ZFYVE9: variants seen among roughly 807,000 people sequenced by gnomAD.
The protein encoded by ZFYVE9 is zinc finger FYVE-type containing 9.
In ZFYVE9, 43 loss-of-function variants were observed where a neutral mutation model predicts 126.7. That is an observed-to-expected ratio of 0.34 (90% CI 0.27 to 0.44). The LOEUF is 0.44. ZFYVE9 is among the 20% of genes least tolerant of loss of function. ZFYVE9 has a pLI of 1.00. For missense variants in ZFYVE9, 1,476 were observed against 1,697.0 expected (o/e 0.87, Z 2.29); for synonymous variants, 521 against 597.4 (o/e 0.87, Z 1.87).
At chr1:52,155,077 T>C (rs144972899) in intron 1 of ZFYVE9, among the ~76,000 whole-genome samples, 210 of 152,318 alleles carry the variant, frequency 1.4e-3, no homozygotes, top group African/African-American at 4.7e-3. Flanking sequence ...TCCTATCTTA[T>C]AATGGATTGC....
At chr1:52,170,162 CATT>C in intron 1 of ZFYVE9, among the ~76,000 whole-genome samples, 1 of 152,260 alleles carries the variant, frequency 6.6e-6, no homozygotes, top group Middle Eastern at 3.4e-3. Flanking sequence ...GTTTCTATAA[CATT>C]AATTTATGAA....
intron 7 of ZFYVE9, among the ~76,000 whole-genome samples, chr1:52,273,193 G>C (rs1484228112): frequency 6.6e-6 from 1 of 151,722 alleles, no homozygotes; most frequent in Non-Finnish European, 1.5e-5. Context: ...TATTAGTAGA[G>C]ATGGGATTTC....
rs187000595 is a variant in ZFYVE9 at position 52,182,766 on chromosome 1, A to T, written c.-142-33603A>T. Among the ~76,000 whole-genome samples, 314 of 101,856 alleles carry T rather than the reference A, an allele frequency of 3.1e-3. 7 individuals are homozygous for T. In the East Asian group the frequency reaches 0.074, roughly 24 times the overall value. 66.8% of individuals were successfully genotyped at this position (101,856 alleles called of 152,430 possible). On this transcript the variant is annotated intron_variant, in intron 1 of 18. Coordinates refer to ENST00000287727, the MANE Select transcript of ZFYVE9 (RefSeq NM_004799.4). Reference sequence around the variant, plus strand: ...ATCAATAAAAAATAAAATAAAAAATAAAAAAAAATAAATATTTTGGAACTC... The same window carrying T: ...ATCAATAAAAAATAAAATAAAAAATTAAAAAAAATAAATATTTTGGAACTC...
At chr1:52,182,435 G>A (rs921544214) in intron 1 of ZFYVE9, among the ~76,000 whole-genome samples, 1 of 152,100 alleles carries the variant, frequency 6.6e-6, no homozygotes, top group Non-Finnish European at 1.5e-5. Flanking sequence ...GGATCCTGTT[G>A]ATCTATGACC....
intron 1 of ZFYVE9, among the ~76,000 whole-genome samples, chr1:52,177,808 A>G (rs1401513684): frequency 6.6e-6 from 1 of 152,224 alleles, no homozygotes; most frequent in African/African-American, 2.4e-5. Flanking sequence ...AACATATGCT[A>G]TCTAATTGGG....
chr1:52,291,885 CAAAAAAAAAAAA>C (rs1171027696), intron 10 of ZFYVE9, among the ~76,000 whole-genome samples: 6 of 58,744 alleles, frequency 1.0e-4, no homozygotes, highest in East Asian at 4.5e-4. Flanking sequence ...GACTCTGTCT[CAAAAAAAAAAAA>C]AAAAAAAAAG....
chr1:52,254,745 T>C (rs1315566383), intron 4 of ZFYVE9, among the ~76,000 whole-genome samples: 1 of 152,052 alleles, frequency 6.6e-6, no homozygotes, highest in African/African-American at 2.4e-5. Flanking sequence ...GGTGAGAGGA[T>C]CACTTGAGCT....
chr1:52,303,909 G>A lies in ZFYVE9; in HGVS notation c.3422G>A (p.Ser1141Asn). 6.2e-7 allele frequency: 1 copy of A among 1,601,074 alleles called. No individual in the cohort carries two copies. The highest frequency in any genetic ancestry group is 1.3e-5 in the African/African-American group (1 of 74,526). Residue 1141 changes from serine (S) to asparagine (N), a missense_variant, in exon 13 of 19, where the codon AGC becomes AAC. This residue lies in a region of ZFYVE9 where 669 missense variants were observed against 902.4 expected (regional missense o/e 0.74). Coordinates refer to ENST00000287727, the MANE Select transcript of ZFYVE9 (RefSeq NM_004799.4). ...EVRKTSIKIP[S>N]NRYNEMMKAM... ...CGGAAAACTAGCATCAAAATTCCCA[G>A]CAACAGATACAATGAGGTAAGATTT...
chr1:52,168,973 C>T (rs1249248047), intron 1 of ZFYVE9, among the ~76,000 whole-genome samples: 1 of 152,170 alleles, frequency 6.6e-6, no homozygotes, highest in East Asian at 1.9e-4. Context: ...GCTACTCTTT[C>T]CCTCCCTTAA....
At chr1:52,341,018 T>G (rs1270589265) in intron 17 of ZFYVE9, among the ~76,000 whole-genome samples, 1 of 150,884 alleles carries the variant, frequency 6.6e-6, no homozygotes, top group Non-Finnish European at 1.5e-5. Flanking sequence ...GTCTGGAGTT[T>G]GAGACCAGCC....
intron 1 of ZFYVE9, among the ~76,000 whole-genome samples, chr1:52,155,312 C>T (rs1426234571): frequency 6.7e-6 from 1 of 149,644 alleles, no homozygotes; most frequent in African/African-American, 2.5e-5. Flanking sequence ...CGGCTCACTG[C>T]AGGCTCCGCC....
chr1:52,208,535 C>T (rs1174482314), intron 1 of ZFYVE9, among the ~76,000 whole-genome samples: 2 of 141,080 alleles, frequency 1.4e-5, no homozygotes, highest in Non-Finnish European at 3.0e-5. Context: ...GAGTTTTGCT[C>T]TTGTTGCCCA....
chr1:52,150,895 C>A (rs1644350494), intron 1 of ZFYVE9, among the ~76,000 whole-genome samples: 1 of 151,952 alleles, frequency 6.6e-6, no homozygotes, highest in South Asian at 2.1e-4. Flanking sequence ...GAGAAACAGT[C>A]CCTAAAAGGT....
chr1:52,279,630 A>AT (rs1015800406), intron 9 of ZFYVE9, among the ~76,000 whole-genome samples: 3 of 151,816 alleles, frequency 2.0e-5, no homozygotes, highest in South Asian at 2.1e-4. Context: ...TACCTGGCTA[A>AT]TTTTTTTTGT....
intron 2 of ZFYVE9, among the ~76,000 whole-genome samples, chr1:52,217,866 A>T (rs74767762): frequency 1.3e-5 from 2 of 152,178 alleles, no homozygotes; most frequent in African/African-American, 4.8e-5. Context: ...GGCCAACACC[A>T]TGTCAAGGGT....
chr1:52,274,497 C>G lies in ZFYVE9; in HGVS notation c.2659C>G (p.Gln887Glu). The change falls in exon 8 of 19, where the codon CAG becomes GAG. Residue 887 changes from glutamine to glutamate, a missense_variant. Around this residue, in one of 2 missense-constraint regions of ZFYVE9, gnomAD observed 669 missense variants for 902.4 expected, o/e 0.74. Transcript: ENST00000287727. ...TTGTCTATTCTCTGGGAGTATAACT[C>G]AGGTTGGAAGTCCTGTTGGAAGTGC... ...DICLFSGSITQVGSPVGSAMN... is the reference protein window; with the variant it reads ...DICLFSGSITEVGSPVGSAMN... 2 of 1,611,918 alleles carry G rather than the reference C, an allele frequency of 1.2e-6. No homozygotes were observed. The highest frequency in any genetic ancestry group is 1.7e-4 in the Middle Eastern group (1 of 6,020).
Position 52,179,355 on chromosome 1 carries a change from C to A in ZFYVE9, c.-143+36952C>A, listed in dbSNP as rs1644673836. On this transcript the variant is annotated intron_variant, in intron 1 of 18. Transcript: ENST00000287727. ...ACTGGATTAAAAGTCACATTTAAGGCCGGGCGTGGTGGCTCATGCCTGTAA... is the reference window on the plus strand; with the variant it reads ...ACTGGATTAAAAGTCACATTTAAGGACGGGCGTGGTGGCTCATGCCTGTAA... 2.6e-5 allele frequency among the ~76,000 whole-genome samples: 4 copies of A among 152,168 alleles called. No homozygotes were observed. The South Asian group carries it at 6.2e-4, about 24-fold the overall frequency.
At chr1:52,338,875 G>C (rs1557527290) in intron 16 of ZFYVE9, among the ~76,000 whole-genome samples, 1 of 152,172 alleles carries the variant, frequency 6.6e-6, no homozygotes, top group Non-Finnish European at 1.5e-5. Flanking sequence ...GCTGGGCGTG[G>C]TGGTACATGC....
At position 52,263,809 on chromosome 1, in the gene ZFYVE9, C is replaced by G; in HGVS notation, c.2215C>G (p.Leu739Val). 7.8e-7 allele frequency: 1 copy of G among 1,283,448 alleles called. No individual in the cohort carries two copies. Among genetic ancestry groups the G allele is most frequent in the South Asian group, 1.2e-5 (1 of 83,144 alleles). The allele number at this position is 1,283,448 out of a possible 1,614,324, so 79.5% of individuals were successfully genotyped here. A position where few individuals can be genotyped will look rare whatever the true frequency, so the allele number is the denominator to read the frequency against. The stretch of plus-strand genomic sequence containing the variant: ...TTCCTGCTGTAGCCTGAAATGTAAA[C>G]TGTTATACATGGACAGAAAGGAAGC... Reference protein sequence around the residue: ...CASCCSLKCKLLYMDRKEARV... With the variant: ...CASCCSLKCKVLYMDRKEARV... The change falls in exon 5 of 19, where the codon CTG (leucine) becomes GTG (valine). Residue 739 changes from leucine to valine, a missense_variant. Physicochemically the swap from Leu to Val is conservative, Grantham distance 32. Transcript: ENST00000287727.
Sources: gnomAD v4.1 joint callset for allele counts (sites outside exome capture counted in the v4.1 genomes callset) on GRCh38, gnomAD v4.1.1 for gene constraint, gnomAD v4.1.1 regional missense constraint, MANE v1.5 for transcripts, NCBI Gene and HGNC (gene_info 2026-07-23, HGNC 2026-07-21) for gene names.